The following PRUNE2 variants were observed in gnomAD, a reference collection of about 807,000 sequenced individuals.
PRUNE2 encodes the protein prune homolog 2 with BCH domain.
PRUNE2 carries 164 observed loss-of-function variants against 252.0 expected under a neutral mutation model. That is an observed-to-expected ratio of 0.65 (90% CI 0.57 to 0.74). The LOEUF is 0.74. PRUNE2 is among the 30% of genes least tolerant of loss of function. The pLI is 0.00. For missense variants in PRUNE2, 3,495 were observed against 3,711.0 expected (o/e 0.94, Z 1.51); for synonymous variants, 1,292 against 1,350.2 (o/e 0.96, Z 0.94).
intron 9 of PRUNE2, among the ~76,000 whole-genome samples, chr9:76,700,774 C>G (rs1299879206): frequency 1.3e-5 from 2 of 152,182 alleles, no homozygotes; most frequent in Non-Finnish European, 1.5e-5. Flanking sequence ...GCCATTCCTG[C>G]TGCCTGCTCC....
In PRUNE2 at chr9:76,759,594, A is replaced by T. The variant is rs543136147; in HGVS notation, c.757-45873T>A. On this transcript the variant is annotated intron_variant, in intron 6 of 18. Coordinates refer to ENST00000376718, the MANE Select transcript of PRUNE2 (RefSeq NM_015225.3). The stretch of plus-strand genomic sequence containing the variant: ...AGTGGCTGAACTCCAGGGGAAGATC[A>T]TCTTCCCACTCCATTCCCTTTCCAG... 2.0e-5 allele frequency: 3 copies of T among 152,296 alleles called. No homozygotes were observed. The East Asian group carries it at 5.8e-4, about 29-fold the overall frequency. The allele number at this position is 152,296 out of a possible 1,614,324, so 9.4% of individuals were successfully genotyped here.
intron 6 of PRUNE2, chr9:76,739,850 C>G (rs1458094316): frequency 6.6e-6 from 1 of 151,950 alleles, no homozygotes; most frequent in Non-Finnish European, 1.5e-5. Context: ...CTTTGGGAGG[C>G]CAAGGCAGGC....
chr9:76,704,088 C>T lies in PRUNE2; in HGVS notation c.7525G>A (p.Glu2509Lys), dbSNP rs761182615. The change falls in exon 9 of 19, where the codon GAA (glutamate) becomes AAA (lysine). Residue 2509 changes from glutamate to lysine, a missense_variant. Physicochemically the swap from Glu to Lys is moderately conservative, Grantham distance 56. Coordinates refer to ENST00000376718, the MANE Select transcript of PRUNE2 (RefSeq NM_015225.3). ...DIGPPNGASK[E>K]ISELEEEKTI... ...TTTTCTTCTTCCAATTCTGATATTT[C>T]CTTGCTGGCACCTAGAAGTGGAAGT... 1 of 1,584,992 alleles carries T rather than the reference C, an allele frequency of 6.3e-7. No homozygotes were observed. Among genetic ancestry groups the T allele is most frequent in the Non-Finnish European group, 8.6e-7 (1 of 1,167,322 alleles).
At chr9:76,731,282 CTA>C (rs201997734) in intron 6 of PRUNE2, among the ~76,000 whole-genome samples, 5,955 of 76,716 alleles carry the variant, frequency 0.078, 425 homozygotes, top group African/African-American at 0.24. Context: ...TTCCCTCTCT[CTA>C]TCTATCTATC....
Position 76,611,427 on chromosome 9 carries a change from T to C in PRUNE2, c.*3143A>G, listed in dbSNP as rs920280125. On this transcript the variant is annotated 3_prime_UTR_variant, in exon 19 of 19. Coordinates refer to ENST00000376718, the MANE Select transcript of PRUNE2 (RefSeq NM_015225.3). ...TATACAGTGAGGCTATATAGATATA[T>C]TGTGTCATTAAAGACTTTTATATTA... The C allele has an allele frequency of 1.3e-5, 2 of 152,228 alleles. No homozygotes were observed. Among genetic ancestry groups the C allele is most frequent in the African/African-American group, 4.8e-5 (2 of 41,456 alleles). 9.4% of individuals were successfully genotyped at this position (152,228 alleles called of 1,614,324 possible).
At chr9:76,854,041 G>C (rs1438022493) in intron 2 of PRUNE2, 63 bp downstream of exon 2, 1 of 809,808 alleles carries the variant, frequency 1.2e-6, no homozygotes, top group East Asian at 2.7e-5. Flanking sequence ...TAGAGAAAAT[G>C]TTTATTCTTA....
At chr9:76,731,227 T>C (rs7855225) in intron 6 of PRUNE2, among the ~76,000 whole-genome samples, 1 of 150,638 alleles carries the variant, frequency 6.6e-6, no homozygotes, top group Non-Finnish European at 1.5e-5. Flanking sequence ...TGGGGGAAAA[T>C]CAAGTTTAAC....
chr9:76,707,162 C>T lies in PRUNE2; in HGVS notation c.5112G>A (p.Val1704=), dbSNP rs369650493. 1.9e-6 allele frequency: 3 copies of T among 1,613,906 alleles called. No homozygotes were observed. The highest frequency in any genetic ancestry group is 2.2e-5 in the South Asian group (2 of 91,066). ...CATCCTCAGCAACGTGGCAGTTGGC[C>T]ACCTGGATCTCTTCCTCTATTGACT... ...GEESIEEEIQ[V]ANCHVAEDES... is the part of the protein sequence containing the mutation. The change falls in exon 8 of 19, where the codon GTG becomes GTA. Residue 1704 remains valine (V), a synonymous_variant. Transcript: ENST00000376718.
At chr9:76,740,123 C>G (rs563602718) in intron 6 of PRUNE2, 4 of 151,242 alleles carry the variant, frequency 2.6e-5, no homozygotes, top group Non-Finnish European at 5.9e-5. Flanking sequence ...GAGCAGGGAT[C>G]ATTTCTAATT....
In PRUNE2 at chr9:76,876,182, C is replaced by T. The variant is rs560195865; in HGVS notation, c.37-21974G>A. 5.8e-4 allele frequency among the ~76,000 whole-genome samples: 89 copies of T among 152,188 alleles called. 2 individuals carry two copies. In the South Asian group the frequency reaches 0.018, roughly 31 times the overall value. On this transcript the variant is annotated intron_variant, in intron 1 of 18. Coordinates refer to ENST00000376718, the MANE Select transcript of PRUNE2 (RefSeq NM_015225.3). Reference sequence around the variant, plus strand: ...AACCGTCTTGGATTTTAGAAGAAAACCATTTAAGTAGATAGATGGAAATAA... The same window carrying T: ...AACCGTCTTGGATTTTAGAAGAAAATCATTTAAGTAGATAGATGGAAATAA...
In PRUNE2 at chr9:76,801,503, C is replaced by A. The variant is rs555129385; in HGVS notation, c.756+22129G>T. 2.2e-3 allele frequency among the ~76,000 whole-genome samples: 337 copies of A among 151,874 alleles called. 5 individuals carry two copies. The highest frequency in any genetic ancestry group is 8.0e-3 in the African/African-American group (330 of 41,438). On this transcript the variant is annotated intron_variant, in intron 6 of 18. Transcript: ENST00000376718. The stretch of plus-strand genomic sequence containing the variant: ...TACTGGGCCTTTTTTTTGAAATGAG[C>A]AACTCTTTTTCAAATATATTATCAA...
rs780369852 is a variant in PRUNE2 at position 76,708,241 on chromosome 9, T to A, written c.4033A>T (p.Ile1345Phe). ...GAGGCATTCTCCACACCAGAGGCGA[T>A]CACCTCCTCTTCATCAAGGTGCCCC... ...DRGHLDEEEVIASGVENASGI... is the reference protein window; with the variant it reads ...DRGHLDEEEVFASGVENASGI... Residue 1345 changes from isoleucine to phenylalanine, a missense_variant, in exon 8 of 19, where the codon ATC becomes TTC. Coordinates refer to ENST00000376718, the MANE Select transcript of PRUNE2 (RefSeq NM_015225.3). 6.2e-7 allele frequency: 1 copy of A among 1,613,954 alleles called. No homozygotes were observed. Among genetic ancestry groups the A allele is most frequent in the Non-Finnish European group, 8.5e-7 (1 of 1,179,886 alleles).
At chr9:76,767,972 C>T (rs535517239) in intron 6 of PRUNE2, among the ~76,000 whole-genome samples, 1 of 152,318 alleles carries the variant, frequency 6.6e-6, no homozygotes, top group South Asian at 2.1e-4. Context: ...TCACATCTCT[C>T]TGATCTTCCC....
intron 1 of PRUNE2, among the ~76,000 whole-genome samples, chr9:76,893,373 A>G (rs2062609840): frequency 6.6e-6 from 1 of 152,246 alleles, no homozygotes; most frequent in Admixed American, 6.5e-5. Context: ...TAAATAAAAG[A>G]TGATGGCCAC....
chr9:76,636,036 T>C (rs1476786435), intron 15 of PRUNE2, among the ~76,000 whole-genome samples: 4 of 152,174 alleles, frequency 2.6e-5, no homozygotes, highest in Non-Finnish European at 4.4e-5. Context: ...AAACGTTGTG[T>C]AGGTCTATTC....
At chr9:76,877,575 A>G (rs1222364744) in intron 1 of PRUNE2, among the ~76,000 whole-genome samples, 1 of 152,150 alleles carries the variant, frequency 6.6e-6, no homozygotes, top group African/African-American at 2.4e-5. Flanking sequence ...CAAGACTCTG[A>G]GGTGTCCTTC....
intron 6 of PRUNE2, among the ~76,000 whole-genome samples, chr9:76,807,488 T>G (rs114933913): frequency 1.3e-5 from 2 of 152,294 alleles, no homozygotes; most frequent in Admixed American, 1.3e-4. Flanking sequence ...CATGATATAA[T>G]AAAGAGGTAA....
intron 15 of PRUNE2, among the ~76,000 whole-genome samples, chr9:76,629,866 C>T (rs908161653): frequency 2.0e-5 from 3 of 152,144 alleles, no homozygotes; most frequent in African/African-American, 7.2e-5. Flanking sequence ...CAAATGCTGT[C>T]TTAAGTGGTT....
intron 6 of PRUNE2, among the ~76,000 whole-genome samples, chr9:76,716,999 T>C (rs1442289711): frequency 6.6e-6 from 1 of 152,222 alleles, no homozygotes; most frequent in Non-Finnish European, 1.5e-5. Context: ...CTCATCCTTT[T>C]TTATGGCTGC....
Sources: gnomAD v4.1 joint callset for allele counts (sites outside exome capture counted in the v4.1 genomes callset) on GRCh38, gnomAD v4.1.1 for gene constraint, MANE v1.5 for transcripts, NCBI Gene and HGNC (gene_info 2026-07-23, HGNC 2026-07-21) for gene names.